The following KLF11 variants were observed in gnomAD, a reference collection of about 807,000 sequenced individuals.
The protein encoded by KLF11 is Krueppel-like factor 11.
A neutral mutation model predicts 29.9 loss-of-function variants in KLF11; 26 were observed. That is an observed-to-expected ratio of 0.87 (90% CI 0.64 to 1.21). The LOEUF (loss-of-function observed/expected upper bound fraction) is 1.21, where lower values mean the gene tolerates loss of function less well. Among genes scored for constraint, KLF11 ranks in the 50% most tolerant of loss-of-function variants. The probability of loss-of-function intolerance (pLI) is 0.00; values close to 1 mark genes in which losing one functional copy is unlikely to be tolerated. For synonymous variants in KLF11, 318 were observed against 257.4 expected, an observed-to-expected ratio of 1.24 and a Z score of -2.25; for missense variants, 778 against 665.7, an observed-to-expected ratio of 1.17 and a Z score of -1.86.
chr2:10,053,435 G>T lies in KLF11; in HGVS notation c.*928G>T. The T allele has an allele frequency of 2.5e-6, 1 of 398,600 alleles. No homozygotes were observed. The highest frequency in any genetic ancestry group is 6.3e-4 in the Middle Eastern group (1 of 1,588). 24.7% of individuals were successfully genotyped at this position (398,600 alleles called of 1,614,324 possible). A position where few individuals can be genotyped will look rare whatever the true frequency, so the allele number is the denominator to read the frequency against. On this transcript the variant is annotated 3_prime_UTR_variant, in exon 4 of 4. Transcript: ENST00000305883. ...GACTCCTTTTGCTGTGGCCTTATCC[G>T]TACTATATTGTGGGTAGAGTAACTT...
chr2:10,048,374 G>A lies in KLF11; in HGVS notation c.1037G>A (p.Gly346Glu). The A allele has an allele frequency of 6.2e-7, 1 of 1,612,472 alleles. No homozygotes were observed. Among genetic ancestry groups the A allele is most frequent in the Non-Finnish European group, 8.5e-7 (1 of 1,178,752 alleles). The part of the protein sequence containing the change: ...QGAVMLVLPQ[G>E]ALPPPAPCAA... Reference sequence around the variant, plus strand: ...GCTGTGATGTTGGTCCTGCCCCAGGGAGCCCTCCCTCCGCCTGCCCCCTGT... The same window carrying A: ...GCTGTGATGTTGGTCCTGCCCCAGGAAGCCCTCCCTCCGCCTGCCCCCTGT... The change falls in exon 3 of 4, where the codon GGA becomes GAA. Residue 346 changes from glycine to glutamate, a missense_variant. By Grantham distance (98) the Gly-to-Glu change is moderately conservative. Transcript: ENST00000305883.
rs774812934 is a variant in KLF11, at chr2:10,048,563, C to G, written c.1226C>G (p.Ser409Cys). 2 of 1,606,740 alleles carry G rather than the reference C, an allele frequency of 1.2e-6. No individual in the cohort carries two copies. The highest frequency in any genetic ancestry group is 1.7e-5 in the Admixed American group (1 of 60,018). ...PGCRKTYFKS[S>C]HLKAHLRTHT... Reference sequence around the variant, plus strand: ...TGCCGGAAGACCTACTTCAAAAGTTCCCACCTTAAGGCCCATCTTCGCACT... The same window carrying G: ...TGCCGGAAGACCTACTTCAAAAGTTGCCACCTTAAGGCCCATCTTCGCACT... Residue 409 changes from serine (S) to cysteine (C), a missense_variant, in exon 3 of 4, where the codon TCC (serine) becomes TGC (cysteine). Physicochemically the swap from Ser to Cys is moderately radical, Grantham distance 112 (BLOSUM62 -1). Transcript: ENST00000305883.
Position 10,048,275 on chromosome 2 carries a change from C to T in KLF11, c.938C>T (p.Thr313Ile), listed in dbSNP as rs755666407. The change falls in exon 3 of 4, where the codon ACT becomes ATT. Residue 313 changes from threonine (T) to isoleucine (I), a missense_variant. Coordinates refer to ENST00000305883, the MANE Select transcript of KLF11 (RefSeq NM_003597.5). The stretch of plus-strand genomic sequence containing the variant: ...CCCCCTCCCCAGTTGTCTGTGGGGA[C>T]TGTGAGACCCATCCTAGCTCAGGCT... Reference protein sequence around the residue: ...LKPPPQLSVGTVRPILAQAAP... With the variant: ...LKPPPQLSVGIVRPILAQAAP... 33 of 1,606,048 alleles carry T rather than the reference C, an allele frequency of 2.1e-5. No individual in the cohort carries two copies. Among genetic ancestry groups the T allele is most frequent in the Non-Finnish European group, 2.5e-5 (29 of 1,175,166 alleles).
chr2:10,049,412 C>A (rs566628984), intron 3 of KLF11, among the ~76,000 whole-genome samples: 1 of 152,336 alleles, frequency 6.6e-6, no homozygotes, highest in African/African-American at 2.4e-5. Context: ...TGTTCTGTTG[C>A]TCTGATCGTG....
intron 1 of KLF11, chr2:10,044,423 G>T: frequency 1.0e-6 from 1 of 985,530 alleles, no homozygotes. Flanking sequence ...GGGCACTGTG[G>T]GCCGGGCGAG....
At chr2:10,044,184 T>G (rs1661102643) in intron 1 of KLF11, 17 of 798,642 alleles carry the variant, frequency 2.1e-5, no homozygotes, top group Non-Finnish European at 2.5e-5. Context: ...CACGCGGCCG[T>G]CGGGCGGGTT....
At chr2:10,045,192 A>T (rs1661152620) in intron 1 of KLF11, among the ~76,000 whole-genome samples, 1 of 151,814 alleles carries the variant, frequency 6.6e-6, no homozygotes, top group South Asian at 2.1e-4. Context: ...TGGGGAGGTC[A>T]AGGCGGGTGG....
At chr2:10,049,068 C>T (rs577398035) in intron 3 of KLF11, among the ~76,000 whole-genome samples, 3 of 152,132 alleles carry the variant, frequency 2.0e-5, no homozygotes, top group East Asian at 3.9e-4. Flanking sequence ...GTTTTCTTAC[C>T]TCTGAGAGTA....
intron 1 of KLF11, among the ~76,000 whole-genome samples, chr2:10,044,741 G>A (rs1166123124): frequency 6.6e-6 from 1 of 151,510 alleles, no homozygotes; most frequent in Non-Finnish European, 1.5e-5. Flanking sequence ...CTCCCTGGGA[G>A]GGAGGGGTAT....
chr2:10,047,625 T>A (rs1192126894), intron 2 of KLF11, 25 bp from the exon 3 acceptor site: 2 of 1,593,342 alleles, frequency 1.3e-6, no homozygotes, highest in African/African-American at 2.7e-5. Context: ...AAAGCAACCT[T>A]TTAACATGGT....
chr2:10,050,598 A>T (rs992944959), intron 3 of KLF11, among the ~76,000 whole-genome samples: 1 of 150,376 alleles, frequency 6.6e-6, no homozygotes. Flanking sequence ...AGTCCCAGCT[A>T]CTTGGGAGGC....
In KLF11 at chr2:10,052,336, C is replaced by T. The variant is rs1403015488; in HGVS notation, c.1368C>T (p.Cys456=). 6.2e-6 allele frequency: 10 copies of T among 1,613,944 alleles called. No individual in the cohort carries two copies. The highest frequency in any genetic ancestry group is 7.6e-6 in the Non-Finnish European group (9 of 1,180,026). Residue 456 remains cysteine, a synonymous_variant, in exon 4 of 4, where the codon TGC becomes TGT. Transcript: ENST00000305883. The part of the protein sequence containing the change: ...RTHTGEKKFV[C]PVCDRRFMRS... ...ACACAGGGGAGAAGAAGTTTGTGTG[C>T]CCGGTGTGTGACCGACGTTTCATGC...
Position 10,048,365 on chromosome 2 carries a change from T to C in KLF11, c.1028T>C (p.Leu343Pro), listed in dbSNP as rs780743223. The C allele has an allele frequency of 1.2e-6, 2 of 1,611,310 alleles. No individual in the cohort carries two copies. The highest frequency in any genetic ancestry group is 1.1e-5 in the South Asian group (1 of 90,882). The change falls in exon 3 of 4, where the codon CTG (leucine) becomes CCG (proline). Residue 343 changes from leucine (L) to proline (P), a missense_variant. By Grantham distance (98) the Leu-to-Pro change is moderately conservative. Transcript: ENST00000305883. ...CCTCAGGGAGCTGTGATGTTGGTCC[T>C]GCCCCAGGGAGCCCTCCCTCCGCCT... The part of the protein sequence containing the change: ...AVPQGAVMLV[L>P]PQGALPPPAP...
At chr2:10,046,519 C>A in intron 2 of KLF11, 100 bp downstream of exon 2, 1 of 1,336,598 alleles carries the variant, frequency 7.5e-7, no homozygotes, top group Non-Finnish European at 1.1e-6. Context: ...GGGATGCTGG[C>A]AAATAAGTTG....
intron 1 of KLF11, among the ~76,000 whole-genome samples, chr2:10,044,895 C>T (rs2125275885): frequency 6.6e-6 from 1 of 152,258 alleles, no homozygotes; most frequent in Non-Finnish European, 1.5e-5. Context: ...TCTGTAATCC[C>T]AGCACTCTGG....
chr2:10,046,080 C>G, intron 1 of KLF11, 70 bp from the exon 2 acceptor site: 1 of 1,576,470 alleles, frequency 6.3e-7, no homozygotes, highest in Non-Finnish European at 8.7e-7. Flanking sequence ...TATGCATATC[C>G]ACATGCCCAT....
At position 10,053,331 on chromosome 2, in the gene KLF11, G is replaced by A. The variant is rs1661464547; in HGVS notation, c.*824G>A. On this transcript the variant is annotated 3_prime_UTR_variant, in exon 4 of 4. Transcript: ENST00000305883. ...TTGGCCATGGCTCTGCTGAAAGCAA[G>A]CCATTCAGTTTCTTGTTTGTACCTA... 2.5e-6 allele frequency: 1 copy of A among 398,510 alleles called. No homozygotes were observed. Among genetic ancestry groups the A allele is most frequent in the African/African-American group, 2.1e-5 (1 of 48,618 alleles). 24.7% of individuals were successfully genotyped at this position (398,510 alleles called of 1,614,324 possible).
In KLF11 at chr2:10,053,905, G is replaced by C. The variant is rs537306146; in HGVS notation, c.*1398G>C. On this transcript the variant is annotated 3_prime_UTR_variant, in exon 4 of 4. Coordinates refer to ENST00000305883, the MANE Select transcript of KLF11 (RefSeq NM_003597.5). ...TGGTAGCCTGGGAATTTTTTTTATT[G>C]TGCAGTATGTATTTAAATTTTGTCT... The C allele has an allele frequency of 6.5e-6, 1 of 152,768 alleles. No individual in the cohort carries two copies. The highest frequency in any genetic ancestry group is 1.5e-5 in the Non-Finnish European group (1 of 68,442). The allele number at this position is 152,768 out of a possible 1,614,324, so 9.5% of individuals were successfully genotyped here.
At chr2:10,050,046 G>T (rs138619792) in intron 3 of KLF11, among the ~76,000 whole-genome samples, 3 of 152,196 alleles carry the variant, frequency 2.0e-5, no homozygotes. Context: ...GTTTACCTTG[G>T]TAGAAGTACT....
Sources: gnomAD v4.1 joint callset for allele counts (sites outside exome capture counted in the v4.1 genomes callset) on GRCh38, gnomAD v4.1.1 for gene constraint, MANE v1.5 for transcripts, NCBI Gene and HGNC (gene_info 2026-07-23, HGNC 2026-07-21) for gene names.